NRG1: variants seen among roughly 807,000 people sequenced by gnomAD.
NRG1 encodes the protein pro-neuregulin-1, membrane-bound isoform.
A neutral mutation model predicts 63.8 loss-of-function variants in NRG1; 18 were observed. The ratio of observed to expected loss-of-function variants is 0.28; its 90% confidence interval spans 0.19 to 0.42. NRG1 has a LOEUF of 0.42. Among genes scored for constraint, NRG1 ranks in the 10% least tolerant of loss-of-function variants. The pLI is 1.00. For synonymous variants in NRG1, 302 were observed against 301.3 expected, an observed-to-expected ratio of 1.00 and a Z score of -0.02; for missense variants, 762 against 814.7, an observed-to-expected ratio of 0.94 and a Z score of 0.79.
intron 1 of NRG1, among the ~76,000 whole-genome samples, chr8:31,789,594 G>A (rs1014894503): frequency 6.6e-6 from 1 of 152,318 alleles, no homozygotes; most frequent in South Asian, 2.1e-4. Context: ...TCACTTTATA[G>A]TTGAGCCCCG....
intron 1 of NRG1, among the ~76,000 whole-genome samples, chr8:31,665,731 C>A (rs1447980939): frequency 6.6e-6 from 1 of 151,936 alleles, no homozygotes; most frequent in East Asian, 1.9e-4. Context: ...ATTTTTATTT[C>A]TCATGCTTGT....
intron 1 of NRG1, among the ~76,000 whole-genome samples, chr8:32,246,747 C>G (rs941309360): frequency 2.0e-5 from 3 of 151,982 alleles, no homozygotes; most frequent in African/African-American, 7.3e-5. Context: ...TATGTTCTCA[C>G]TTACATGAGG....
At chr8:31,914,177 G>A (rs1419549569) in intron 1 of NRG1, among the ~76,000 whole-genome samples, 2 of 152,120 alleles carry the variant, frequency 1.3e-5, no homozygotes, top group African/African-American at 4.8e-5. Context: ...GATATTTCTA[G>A]ATTGGTTCAC....
chr8:32,303,793 A>G (rs914275085), intron 1 of NRG1, among the ~76,000 whole-genome samples: 27 of 152,342 alleles, frequency 1.8e-4, no homozygotes, highest in Non-Finnish European at 4.0e-4. Context: ...ATATTAACAC[A>G]GTTTTTGGTG....
chr8:31,930,603 G>A (rs903734413), intron 1 of NRG1, among the ~76,000 whole-genome samples: 4 of 152,136 alleles, frequency 2.6e-5, no homozygotes, highest in Non-Finnish European at 5.9e-5. Flanking sequence ...GTCTGGGATC[G>A]GTGGATGTTA....
chr8:32,045,618 G>A (rs1209617412), intron 1 of NRG1, among the ~76,000 whole-genome samples: 2 of 151,934 alleles, frequency 1.3e-5, no homozygotes, highest in African/African-American at 4.8e-5. Flanking sequence ...GACGAGATCA[G>A]TGGGTCCCAT....
chr8:32,561,111 A>G (rs1247623346), intron 1 of NRG1, among the ~76,000 whole-genome samples: 2 of 152,210 alleles, frequency 1.3e-5, no homozygotes, highest in Non-Finnish European at 2.9e-5. Flanking sequence ...CAACAAGGGC[A>G]TCAATCCTAG....
intron 1 of NRG1, among the ~76,000 whole-genome samples, chr8:32,052,356 G>A (rs529829830): frequency 7.0e-6 from 1 of 142,948 alleles, no homozygotes; most frequent in African/African-American, 2.6e-5. Context: ...GCTCACTGCA[G>A]CCTCAAACTC....
At chr8:31,940,860 A>G (rs569106902) in intron 1 of NRG1, among the ~76,000 whole-genome samples, 1 of 152,172 alleles carries the variant, frequency 6.6e-6, no homozygotes, top group East Asian at 1.9e-4. Context: ...AAGATATAGA[A>G]CCTCTCAACA....
intron 1 of NRG1, among the ~76,000 whole-genome samples, chr8:32,370,856 T>G (rs1244394145): frequency 5.9e-5 from 1 of 16,842 alleles, no homozygotes; most frequent in African/African-American, 2.7e-4. Flanking sequence ...AGACTCTGTC[T>G]CAAAAAAAAA....
chr8:31,686,234 T>A (rs1018766381), intron 1 of NRG1, among the ~76,000 whole-genome samples: 2 of 152,216 alleles, frequency 1.3e-5, no homozygotes, highest in African/African-American at 4.8e-5. Context: ...TTAAAATACA[T>A]GTTTTTGAAC....
intron 1 of NRG1, among the ~76,000 whole-genome samples, chr8:32,105,358 A>G (rs1479224493): frequency 6.6e-6 from 1 of 152,184 alleles, no homozygotes; most frequent in Non-Finnish European, 1.5e-5. Flanking sequence ...CCTCACAATC[A>G]TGGCAGAAGG....
At chr8:31,691,773 T>TA (rs529378479) in intron 1 of NRG1, among the ~76,000 whole-genome samples, 3 of 152,130 alleles carry the variant, frequency 2.0e-5, no homozygotes, top group African/African-American at 4.8e-5. Context: ...AAAAAGTATG[T>TA]AAAAAAATCC....
chr8:32,703,470 G>A (rs1815502808), intron 5 of NRG1, among the ~76,000 whole-genome samples: 1 of 147,122 alleles, frequency 6.8e-6, no homozygotes, highest in Non-Finnish European at 1.5e-5. Flanking sequence ...TCAGGCTGGA[G>A]TGCAGTGAGC....
intron 1 of NRG1, among the ~76,000 whole-genome samples, chr8:32,538,618 A>G (rs538174021): frequency 6.6e-6 from 1 of 152,330 alleles, no homozygotes; most frequent in African/African-American, 2.4e-5. Context: ...CAGAGCTTGG[A>G]AAAGTTACAG....
At chr8:32,704,708 AT>A (rs1248507442) in intron 5 of NRG1, among the ~76,000 whole-genome samples, 1 of 152,248 alleles carries the variant, frequency 6.6e-6, no homozygotes, top group Non-Finnish European at 1.5e-5. Flanking sequence ...CTGTCATGAA[AT>A]TAATGGATCA....
intron 5 of NRG1, among the ~76,000 whole-genome samples, chr8:32,652,146 G>A (rs940374422): frequency 6.6e-6 from 1 of 152,164 alleles, no homozygotes; most frequent in Non-Finnish European, 1.5e-5. Flanking sequence ...TTACTGTAGA[G>A]AGTTGGAGCT....
At chr8:32,759,015 A>C (rs1830181216) in intron 9 of NRG1, among the ~76,000 whole-genome samples, 1 of 152,336 alleles carries the variant, frequency 6.6e-6, no homozygotes, top group South Asian at 2.1e-4. Flanking sequence ...AAATAGAAGA[A>C]ATAGGACTTT....
At chr8:32,378,852 G>A (rs749290263) in intron 1 of NRG1, among the ~76,000 whole-genome samples, 1 of 144,472 alleles carries the variant, frequency 6.9e-6, no homozygotes, top group Admixed American at 7.4e-5. Flanking sequence ...TCCCACCTAT[G>A]AGTGAGAAAA....
Sources: gnomAD v4.1 joint callset for allele counts (sites outside exome capture counted in the v4.1 genomes callset) on GRCh38, gnomAD v4.1.1 for gene constraint, MANE v1.5 for transcripts, NCBI Gene and HGNC (gene_info 2026-07-23, HGNC 2026-07-21) for gene names.